AHRR: variants seen among roughly 807,000 people sequenced by gnomAD.
The protein encoded by AHRR is ahR repressor.
AHRR carries 28 observed loss-of-function variants against 44.0 expected under a neutral mutation model. The ratio of observed to expected loss-of-function variants is 0.64; its 90% CI spans 0.47 to 0.87. AHRR has a LOEUF of 0.87. Ranked by LOEUF, AHRR falls within the 40% of genes least tolerant of loss-of-function variation. The pLI is 0.00. For synonymous variants in AHRR, 434 were observed against 407.0 expected (o/e 1.07, Z -0.80); for missense variants, 990 against 953.9 (o/e 1.04, Z -0.50).
Position 435,849 on chromosome 5 carries a change from G to T in AHRR, c.*1015G>T, listed in dbSNP as rs1382377471. ...TTAATAGCATTAAAACAGTTGTAAA[G>T]GCGATATTTTCTGAGAGTAGGAAAT... On this transcript the variant is annotated 3_prime_UTR_variant, in exon 11 of 11. Coordinates refer to ENST00000684583, the MANE Select transcript of AHRR (RefSeq NM_001377236.1). 6.5e-6 allele frequency: 1 copy of T among 152,736 alleles called. No homozygotes were observed. The highest frequency in any genetic ancestry group is 6.5e-5 in the Admixed American group (1 of 15,284). The allele number at this position is 152,736 out of a possible 1,614,324, so 9.5% of individuals were successfully genotyped here.
Position 422,411 on chromosome 5 carries a change from G to C in AHRR, c.442-318G>C, listed in dbSNP as rs116943164. 3.3e-4 allele frequency: 131 copies of C among 394,176 alleles called. 1 individual carries two copies. In the East Asian group the frequency reaches 6.4e-3, roughly 19 times the overall value. 24.4% of individuals were successfully genotyped at this position (394,176 alleles called of 1,614,324 possible). On this transcript the variant is annotated intron_variant, in intron 5 of 10. Coordinates refer to ENST00000684583, the MANE Select transcript of AHRR (RefSeq NM_001377236.1). ...AGTCACAAAGAGTCCAAGTCGACAGGAAAGTGGATGTCTTGGCCCCAGAGT... is the reference window on the plus strand; with the variant it reads ...AGTCACAAAGAGTCCAAGTCGACAGCAAAGTGGATGTCTTGGCCCCAGAGT...
chr5:421,078 G>C (rs67898037), intron 5 of AHRR: 168,846 of 536,534 alleles, frequency 0.31, 31,332 homozygotes, highest in Non-Finnish European at 0.39. Context: ...AGATAAAGAG[G>C]GAAAAGGACA....
At chr5:426,486 A>AGATG (rs1352798655) in intron 7 of AHRR, among the ~76,000 whole-genome samples, 39 of 147,944 alleles carry the variant, frequency 2.6e-4, no homozygotes, top group African/African-American at 8.8e-4. Flanking sequence ...ATAGATGGGA[A>AGATG]GATGGATGGA....
intron 4 of AHRR, among the ~76,000 whole-genome samples, chr5:393,908 G>A (rs762188959): frequency 4.6e-5 from 7 of 152,232 alleles, no homozygotes; most frequent in Admixed American, 4.6e-4. Context: ...GATGACAGGC[G>A]TGAGCCGCTG....
At chr5:393,674 G>C (rs1257435779) in intron 4 of AHRR, among the ~76,000 whole-genome samples, 2 of 151,970 alleles carry the variant, frequency 1.3e-5, no homozygotes, top group Non-Finnish European at 1.5e-5. Context: ...GTCTCACTCT[G>C]TTTCCCAGGC....
intron 4 of AHRR, 90 bp from the exon 5 acceptor site, chr5:413,254 A>G: frequency 1.1e-6 from 1 of 907,694 alleles, no homozygotes; most frequent in Non-Finnish European, 1.7e-6. Context: ...ACAGGAGGAA[A>G]TTGTTGAAAA....
intron 3 of AHRR, among the ~76,000 whole-genome samples, chr5:359,691 G>T (rs529019079): frequency 1.3e-5 from 2 of 152,094 alleles, no homozygotes. Context: ...CCACTGTGGG[G>T]CCTGAACACA....
At chr5:407,766 T>C (rs1286283304) in intron 4 of AHRR, among the ~76,000 whole-genome samples, 4 of 152,202 alleles carry the variant, frequency 2.6e-5, no homozygotes, top group Non-Finnish European at 5.9e-5. Context: ...CTCGAACTCC[T>C]GACCTCGTGA....
intron 5 of AHRR, among the ~76,000 whole-genome samples, chr5:416,241 C>T (rs1313683804): frequency 6.6e-6 from 1 of 152,240 alleles, no homozygotes; most frequent in African/African-American, 2.4e-5. Flanking sequence ...GTTGGGAACG[C>T]AGTGCAGGGT....
At chr5:345,690 CTA>C (rs1024397632) in intron 2 of AHRR, among the ~76,000 whole-genome samples, 2 of 151,482 alleles carry the variant, frequency 1.3e-5, no homozygotes, top group Admixed American at 1.3e-4. Flanking sequence ...CCTCACTGCC[CTA>C]ACACCTGCTG....
chr5:398,677 T>C (rs1269411810), intron 4 of AHRR, among the ~76,000 whole-genome samples: 4 of 152,186 alleles, frequency 2.6e-5, no homozygotes, highest in Admixed American at 1.3e-4. Context: ...CCACCCCCCT[T>C]GGCTGTTACT....
chr5:339,853 GT>G (rs1742270420), intron 1 of AHRR, among the ~76,000 whole-genome samples: 1 of 152,024 alleles, frequency 6.6e-6, no homozygotes, highest in Admixed American at 6.5e-5. Flanking sequence ...AGTGATTGGT[GT>G]TTGGATGTTG....
At chr5:397,283 G>A (rs1734764098) in intron 4 of AHRR, among the ~76,000 whole-genome samples, 1 of 78,526 alleles carries the variant, frequency 1.3e-5, no homozygotes, top group Admixed American at 1.6e-4. Flanking sequence ...GTCCATGTTA[G>A]CCCCTGACCA....
At chr5:423,730 T>G in intron 6 of AHRR, 111 bp from the exon 7 acceptor site, 1 of 1,384,924 alleles carries the variant, frequency 7.2e-7, no homozygotes, top group South Asian at 1.4e-5. Flanking sequence ...GATGGCACAG[T>G]GATAGGGTTT....
chr5:323,992 CCTTT>C (rs780959882), intron 1 of AHRR, among the ~76,000 whole-genome samples: 38 of 141,426 alleles, frequency 2.7e-4, no homozygotes, highest in Non-Finnish European at 3.8e-4. Context: ...TTCCTACCTT[CCTTT>C]CTTTTTTTCT....
chr5:329,296 C>T (rs1206708059), intron 1 of AHRR, among the ~76,000 whole-genome samples: 1 of 152,074 alleles, frequency 6.6e-6, no homozygotes, highest in South Asian at 2.1e-4. Context: ...ATTCCTGGGC[C>T]CAAGAGATTG....
At chr5:418,417 C>G (rs1184052092) in intron 5 of AHRR, among the ~76,000 whole-genome samples, 3 of 152,240 alleles carry the variant, frequency 2.0e-5, no homozygotes, top group Non-Finnish European at 2.9e-5. Flanking sequence ...GGACTTACAT[C>G]TCACCCTGTC....
intron 3 of AHRR, among the ~76,000 whole-genome samples, chr5:374,098 G>C (rs1560896985): frequency 6.6e-6 from 1 of 152,156 alleles, no homozygotes; most frequent in African/African-American, 2.4e-5. Flanking sequence ...CTGCAATGGG[G>C]CTTGGCTGCA....
chr5:416,331 C>T (rs541352029), intron 5 of AHRR, among the ~76,000 whole-genome samples: 11 of 152,362 alleles, frequency 7.2e-5, no homozygotes, highest in Admixed American at 3.9e-4. Context: ...TGGCCAGCAG[C>T]GGTGTTTGCC....
Sources: allele counts gnomAD v4.1 joint callset (sites outside exome capture counted in the v4.1 genomes callset), GRCh38; gene constraint gnomAD v4.1.1; transcripts MANE v1.5; gene names NCBI Gene and HGNC (gene_info 2026-07-23, HGNC 2026-07-21).